The following PUDP variants were observed in gnomAD, a reference collection of about 807,000 sequenced individuals.
PUDP encodes pseudouridine-5'-phosphatase.
PUDP carries 8 observed loss-of-function variants against 9.4 expected under a neutral mutation model. That is an observed-to-expected ratio of 0.85 (90% CI 0.50 to 1.53). PUDP has a LOEUF of 1.53. Ranked by LOEUF, PUDP falls within the 40% of genes most tolerant of loss-of-function variation. The pLI is 0.00. For synonymous variants in PUDP, 99 were observed against 80.7 expected (o/e 1.23, Z -1.22); for missense variants, 188 against 189.7 (o/e 0.99, Z 0.05).
intron 3 of PUDP, among the ~76,000 whole-genome samples, chrX:6,811,175 C>T (rs897765142): frequency 9.0e-6 from 1 of 111,677 alleles, no homozygotes; most frequent in African/African-American, 3.3e-5. Context: ...AGCATTGATA[C>T]ACTTGCACTG....
chrX:6,903,229 G>C (rs372834755), intron 3 of PUDP, among the ~76,000 whole-genome samples: 1 of 111,738 alleles, frequency 8.9e-6, no homozygotes, highest in African/African-American at 3.3e-5. Flanking sequence ...CCATTCCTTA[G>C]GTATCCTCTT....
At chrX:6,852,302 A>G (rs1450719174) in intron 3 of PUDP, among the ~76,000 whole-genome samples, 2 of 112,525 alleles carry the variant, frequency 1.8e-5, no homozygotes, top group African/African-American at 6.5e-5. Context: ...TGTTCCTGTC[A>G]GGGTAAGATC....
At chrX:7,099,239 A>T (rs765570151) in intron 2 of PUDP, among the ~76,000 whole-genome samples, 20 of 112,997 alleles carry the variant, frequency 1.8e-4, no homozygotes, top group Non-Finnish European at 3.6e-4. Flanking sequence ...TCAAGATACA[A>T]TGGAGGTAAC....
intron 1 of PUDP, among the ~76,000 whole-genome samples, chrX:7,128,681 G>A (rs1470348232): frequency 1.8e-5 from 2 of 111,826 alleles, no homozygotes; most frequent in Non-Finnish European, 3.8e-5. Flanking sequence ...CTCCTCAGGT[G>A]CATAAAGGTT....
intron 3 of PUDP, among the ~76,000 whole-genome samples, chrX:6,939,940 CT>C (rs1011449646): frequency 8.9e-6 from 1 of 112,060 alleles, no homozygotes; most frequent in Non-Finnish European, 1.9e-5. Context: ...CCATAAATAT[CT>C]TTTCAAAATG....
In PUDP at chrX:6,903,601, C is replaced by T. The variant is rs547453176; in HGVS notation, c.*247+73532G>A. On this transcript the variant is annotated intron_variant and NMD_transcript_variant, in intron 3 of 3. Coordinates refer to the PUDP transcript ENST00000655425. ...GGCATATATACACCATGGAATACTACGCAGCCAGAAAAAGGAATGAATTCA... is the reference window on the plus strand; with the variant it reads ...GGCATATATACACCATGGAATACTATGCAGCCAGAAAAAGGAATGAATTCA... Among the ~76,000 whole-genome samples the T allele has an allele frequency of 5.0e-4, 56 of 111,494 alleles. 1 individual carries two copies. The highest frequency in any genetic ancestry group is 4.6e-3 in the Middle Eastern group (1 of 217).
At chrX:6,778,408 G>C (rs763009810) in intron 3 of PUDP, among the ~76,000 whole-genome samples, 18 of 112,362 alleles carry the variant, frequency 1.6e-4, no homozygotes, top group Admixed American at 5.6e-4. Flanking sequence ...TGCAACCTTG[G>C]GCCAAGCTCC....
intron 3 of PUDP, among the ~76,000 whole-genome samples, chrX:6,737,848 A>C (rs775012568): frequency 9.0e-6 from 1 of 111,521 alleles, no homozygotes; most frequent in Non-Finnish European, 1.9e-5. Flanking sequence ...CTGGGTTTAG[A>C]ATAACCTTGA....
At chrX:7,053,387 A>G (rs1930154429) in intron 3 of PUDP, among the ~76,000 whole-genome samples, 1 of 111,305 alleles carries the variant, frequency 9.0e-6, no homozygotes, top group African/African-American at 3.3e-5. Flanking sequence ...CCCTACTCAA[A>G]TCTCATCTTG....
intron 3 of PUDP, among the ~76,000 whole-genome samples, chrX:6,785,340 C>T (rs1045765003): frequency 8.9e-6 from 1 of 112,456 alleles, no homozygotes; most frequent in Non-Finnish European, 1.9e-5. Flanking sequence ...TTCTATTCTG[C>T]AAATGCTTTC....
At chrX:6,914,494 T>C (rs1927899511) in intron 3 of PUDP, among the ~76,000 whole-genome samples, 1 of 111,944 alleles carries the variant, frequency 8.9e-6, no homozygotes. Flanking sequence ...CTAAAGAGCC[T>C]TGTAGAACAT....
chrX:6,724,501 CAAAAAAAAAAA>C (rs1170392595), upstream of PUDP, among the ~76,000 whole-genome samples: 370 of 45,445 alleles, frequency 8.1e-3, 1 homozygote, highest in African/African-American at 0.031. Flanking sequence ...ATTCTCTCTC[CAAAAAAAAAAA>C]AAAAAAAAAA....
At chrX:7,031,434 G>A (rs951709702) in intron 1 of PUDP, among the ~76,000 whole-genome samples, 5 of 111,698 alleles carry the variant, frequency 4.5e-5, no homozygotes, top group Non-Finnish European at 7.5e-5. Flanking sequence ...CCCCTGAGAC[G>A]TAATGATGAT....
At chrX:7,034,971 T>C (rs1356249482) in intron 1 of PUDP, among the ~76,000 whole-genome samples, 1 of 112,106 alleles carries the variant, frequency 8.9e-6, no homozygotes, top group Non-Finnish European at 1.9e-5. Context: ...AATTATTAGG[T>C]ATCAAAACAC....
chrX:6,899,613 A>G (rs772334898), intron 3 of PUDP, among the ~76,000 whole-genome samples: 16 of 111,251 alleles, frequency 1.4e-4, no homozygotes, highest in Non-Finnish European at 2.6e-4. Context: ...GGATTTAAAC[A>G]AAGACAGTAC....
chrX:7,098,302 G>T (rs142757437), intron 2 of PUDP, among the ~76,000 whole-genome samples: 1,792 of 112,292 alleles, frequency 0.016, 19 homozygotes, highest in Admixed American at 0.031. Flanking sequence ...TGTCTCTGCA[G>T]AGGACTGCTC....
At chrX:6,903,591 T>C (rs1171574767) in intron 3 of PUDP, among the ~76,000 whole-genome samples, 1 of 111,452 alleles carries the variant, frequency 9.0e-6, no homozygotes, top group Non-Finnish European at 1.9e-5. Flanking sequence ...ATATACACCA[T>C]GGAATACTAC....
At chrX:7,145,596 T>C (rs1386328012) in intron 1 of PUDP, among the ~76,000 whole-genome samples, 2 of 67,850 alleles carry the variant, frequency 2.9e-5, no homozygotes, top group African/African-American at 1.2e-4. Flanking sequence ...GAAACCGAAG[T>C]GTATTTTTTT....
At chrX:6,885,403 C>G (rs749925139) in intron 3 of PUDP, among the ~76,000 whole-genome samples, 93 of 112,011 alleles carry the variant, frequency 8.3e-4, no homozygotes, top group African/African-American at 2.8e-3. Flanking sequence ...CAGTTTGAAA[C>G]AGGTCTAGAC....
Sources: allele counts gnomAD v4.1 joint callset (sites outside exome capture counted in the v4.1 genomes callset), GRCh38; gene constraint gnomAD v4.1.1; transcripts MANE v1.5; gene names NCBI Gene and HGNC (gene_info 2026-07-23, HGNC 2026-07-21).